The following RBFOX1 variants were observed in gnomAD, a reference collection of about 807,000 sequenced individuals.
RBFOX1 encodes the protein RNA binding protein fox-1 homolog 1.
Under a neutral mutation model 57.7 loss-of-function variants are expected in RBFOX1, and 8 were observed. That is an observed-to-expected ratio of 0.14 (90% CI 0.08 to 0.25). The LOEUF (loss-of-function observed/expected upper bound fraction) is 0.25. Among genes scored for constraint, RBFOX1 ranks in the 10% least tolerant of loss-of-function variants. The pLI, the probability that RBFOX1 is intolerant of heterozygous loss-of-function variation, is 1.00. For missense variants in RBFOX1, 611 were observed against 548.5 expected (o/e 1.11, Z -1.14); for synonymous variants, 326 against 222.4 (o/e 1.47, Z -4.15).
At chr16:6,881,750 A>C (rs2062981644) in intron 3 of RBFOX1, among the ~76,000 whole-genome samples, 1 of 152,216 alleles carries the variant, frequency 6.6e-6, no homozygotes. Context: ...GCCTACCATG[A>C]GCCAGGCATG....
At chr16:7,464,845 C>A (rs1482613378) in intron 4 of RBFOX1, among the ~76,000 whole-genome samples, 11 of 151,750 alleles carry the variant, frequency 7.2e-5, no homozygotes, top group Middle Eastern at 3.2e-3. Context: ...TGCAGGCGCC[C>A]GCCACCACGC....
intron 1 of RBFOX1, among the ~76,000 whole-genome samples, chr16:5,259,549 G>A (rs1258747134): frequency 6.6e-6 from 1 of 152,228 alleles, no homozygotes; most frequent in African/African-American, 2.4e-5. Context: ...AGCTTGTGAA[G>A]TGAGCTTTCA....
intron 4 of RBFOX1, among the ~76,000 whole-genome samples, chr16:7,165,419 C>G (rs1003153015): frequency 4.1e-5 from 2 of 48,424 alleles, no homozygotes; most frequent in Admixed American, 2.3e-4. Context: ...TGATAATAAT[C>G]ATTATTATTA....
At chr16:7,485,304 G>C (rs1324293267) in intron 4 of RBFOX1, among the ~76,000 whole-genome samples, 1 of 152,206 alleles carries the variant, frequency 6.6e-6, no homozygotes, top group Non-Finnish European at 1.5e-5. Flanking sequence ...ACCACGCAGT[G>C]ACTATTTAAT....
intron 4 of RBFOX1, among the ~76,000 whole-genome samples, chr16:7,059,114 C>A (rs1336095336): frequency 6.6e-6 from 1 of 152,286 alleles, no homozygotes; most frequent in African/African-American, 2.4e-5. Context: ...TTAAACCCAT[C>A]GCCTTCATCT....
intron 4 of RBFOX1, among the ~76,000 whole-genome samples, chr16:7,240,381 T>C (rs2093995117): frequency 6.6e-6 from 1 of 152,220 alleles, no homozygotes; most frequent in Non-Finnish European, 1.5e-5. Context: ...TACTTGTATA[T>C]CACCATCTGT....
rs144440594 is a variant in RBFOX1 at position 5,287,239 on chromosome 16, G to A, written c.219+47134G>A. On this transcript the variant is annotated intron_variant, in intron 1 of 2. Transcript: ENST00000585867. ...AGATCACTTGAGCCCAGGATTTTGCGGTTATAGTGAGCTCTGACTGTTCCA... is the reference window on the plus strand; with the variant it reads ...AGATCACTTGAGCCCAGGATTTTGCAGTTATAGTGAGCTCTGACTGTTCCA... Among the ~76,000 whole-genome samples, 6 of 152,112 alleles carry A rather than the reference G, an allele frequency of 3.9e-5. 1 individual carries two copies. In the South Asian group the frequency reaches 6.2e-4, roughly 16 times the overall value.
chr16:7,454,673 T>C (rs140940938), intron 4 of RBFOX1, among the ~76,000 whole-genome samples: 1 of 152,262 alleles, frequency 6.6e-6, no homozygotes, highest in African/African-American at 2.4e-5. Flanking sequence ...GGATAGAACT[T>C]GAGAAGGAAT....
intron 4 of RBFOX1, among the ~76,000 whole-genome samples, chr16:7,183,828 G>C (rs1404414302): frequency 2.0e-5 from 3 of 152,204 alleles, no homozygotes; most frequent in Non-Finnish European, 4.4e-5. Flanking sequence ...CTATTGTCAG[G>C]TGTGGTTTTA....
intron 2 of RBFOX1, among the ~76,000 whole-genome samples, chr16:6,586,355 C>G (rs1173297303): frequency 1.3e-5 from 2 of 152,192 alleles, no homozygotes; most frequent in African/African-American, 4.8e-5. Context: ...ATGAGCAAAA[C>G]CAGCAGCATA....
intron 1 of RBFOX1, among the ~76,000 whole-genome samples, chr16:5,451,634 C>T (rs1306979009): frequency 6.6e-6 from 1 of 152,204 alleles, no homozygotes; most frequent in African/African-American, 2.4e-5. Context: ...ATAGATTCTT[C>T]AGTAGAAGTC....
At chr16:5,247,190 A>T (rs569088015) in intron 1 of RBFOX1, among the ~76,000 whole-genome samples, 1 of 152,310 alleles carries the variant, frequency 6.6e-6, no homozygotes, top group South Asian at 2.1e-4. Flanking sequence ...AGGAGGGGGA[A>T]AAGATTCACT....
At chr16:7,231,501 G>C (rs2093490640) in intron 4 of RBFOX1, among the ~76,000 whole-genome samples, 1 of 152,102 alleles carries the variant, frequency 6.6e-6, no homozygotes, top group Non-Finnish European at 1.5e-5. Context: ...GTTAAGCATA[G>C]AATTACCATA....
chr16:6,465,498 C>T (rs1248838937), intron 2 of RBFOX1, among the ~76,000 whole-genome samples: 2 of 152,018 alleles, frequency 1.3e-5, no homozygotes, highest in African/African-American at 4.8e-5. Context: ...TCCTACAGCT[C>T]AATTTCTAAA....
chr16:7,639,361 C>T (rs2062363089), intron 11 of RBFOX1, among the ~76,000 whole-genome samples: 2 of 152,198 alleles, frequency 1.3e-5, no homozygotes, highest in African/African-American at 4.8e-5. Context: ...TGCTATGGTT[C>T]AGCATTACGG....
intron 4 of RBFOX1, among the ~76,000 whole-genome samples, chr16:7,504,848 G>A (rs551178135): frequency 1.5e-5 from 2 of 135,368 alleles, no homozygotes; most frequent in Non-Finnish European, 3.0e-5. Context: ...TACTTAGAAG[G>A]TGCTGGAAGA....
At chr16:6,855,845 C>CCTTCCCTCCCCCTTTCCCTCCCTG (rs202089163) in intron 3 of RBFOX1, among the ~76,000 whole-genome samples, 1 of 114,674 alleles carries the variant, frequency 8.7e-6, no homozygotes, top group African/African-American at 3.0e-5. Context: ...TTCCCTCCCT[C>CCTTCCCTCCCCCTTTCCCTCCCTG]TTTCCCTCCC....
chr16:7,566,072 G>A (rs999696987), intron 5 of RBFOX1, among the ~76,000 whole-genome samples: 3 of 152,106 alleles, frequency 2.0e-5, no homozygotes, highest in Admixed American at 6.6e-5. Flanking sequence ...GTTTATCCAC[G>A]GGACGCTCAT....
chr16:7,346,428 C>G (rs546345017), intron 4 of RBFOX1, among the ~76,000 whole-genome samples: 6 of 152,186 alleles, frequency 3.9e-5, no homozygotes, highest in African/African-American at 1.4e-4. Flanking sequence ...CAGTTCCTTC[C>G]TGGGAATGGA....
Sources: gnomAD v4.1 joint callset for allele counts (sites outside exome capture counted in the v4.1 genomes callset) on GRCh38, gnomAD v4.1.1 for gene constraint, MANE v1.5 for transcripts, NCBI Gene and HGNC (gene_info 2026-07-23, HGNC 2026-07-21) for gene names.